Variants in PCGF3 observed in about 807,000 individuals in gnomAD.
The protein encoded by PCGF3 is polycomb group ring finger 3.
A neutral mutation model predicts 33.1 loss-of-function variants in PCGF3; 7 were observed. That is an observed-to-expected ratio of 0.21 (90% CI 0.12 to 0.40). The LOEUF (loss-of-function observed/expected upper bound fraction) is 0.40, where lower values mean the gene tolerates loss of function less well. Among genes scored for constraint, PCGF3 ranks in the 10% least tolerant of loss-of-function variants. The pLI, the probability that PCGF3 is intolerant of heterozygous loss-of-function variation, is 1.00. For missense variants in PCGF3, 211 were observed against 313.3 expected (o/e 0.67, Z 2.46); for synonymous variants, 153 against 121.3 (o/e 1.26, Z -1.72).
At chr4:748,001 C>T (rs538289048) in intron 8 of PCGF3, among the ~76,000 whole-genome samples, 5 of 152,242 alleles carry the variant, frequency 3.3e-5, no homozygotes, top group Admixed American at 3.3e-4. Flanking sequence ...GTGCCTTTTC[C>T]TCCGGGCGCG....
chr4:735,403 G>T (rs1288751867), intron 5 of PCGF3, among the ~76,000 whole-genome samples: 2 of 152,186 alleles, frequency 1.3e-5, no homozygotes, highest in Admixed American at 1.3e-4. Flanking sequence ...AAAATTAGCT[G>T]GGTATGGTGG....
intron 1 of PCGF3, among the ~76,000 whole-genome samples, chr4:717,340 G>T (rs1577397854): frequency 6.6e-6 from 1 of 152,114 alleles, no homozygotes; most frequent in African/African-American, 2.4e-5. Flanking sequence ...GACACTGAGT[G>T]TGAGAACTGG....
chr4:730,136 G>A (rs930552669), intron 1 of PCGF3, among the ~76,000 whole-genome samples: 4 of 152,142 alleles, frequency 2.6e-5, no homozygotes, highest in Non-Finnish European at 5.9e-5. Flanking sequence ...GGCCCTTGGT[G>A]CACGTCTGGT....
At chr4:732,191 G>GCTCCC (rs1195512194) in intron 3 of PCGF3, among the ~76,000 whole-genome samples, 5 of 137,834 alleles carry the variant, frequency 3.6e-5, no homozygotes, top group Admixed American at 7.1e-5. Context: ...GTAAGGCGGG[G>GCTCCC]CTCCCCTCCC....
At chr4:756,482 G>T (rs1744775114) in intron 8 of PCGF3, among the ~76,000 whole-genome samples, 1 of 152,038 alleles carries the variant, frequency 6.6e-6, no homozygotes, top group South Asian at 2.1e-4. Flanking sequence ...CAAAGTGCTG[G>T]GATTACAGGT....
chr4:755,838 T>A (rs2152611476), intron 8 of PCGF3, among the ~76,000 whole-genome samples: 1 of 151,908 alleles, frequency 6.6e-6, no homozygotes, highest in South Asian at 2.1e-4. Context: ...TGATTTATTT[T>A]ACCATTAAGT....
intron 8 of PCGF3, among the ~76,000 whole-genome samples, chr4:753,376 C>T (rs373239698): frequency 3.7e-4 from 54 of 147,318 alleles, no homozygotes; most frequent in East Asian, 2.9e-3. Context: ...GACTCTTGGC[C>T]GGGTGCGGTG....
intron 4 of PCGF3, 59 bp from the exon 5 acceptor site, chr4:734,872 G>T: frequency 6.3e-7 from 1 of 1,579,870 alleles, no homozygotes; most frequent in Non-Finnish European, 8.6e-7. Context: ...GGAGCACGCC[G>T]ATGGGGTGGG....
intron 8 of PCGF3, among the ~76,000 whole-genome samples, chr4:751,620 A>G (rs1744516673): frequency 6.6e-6 from 1 of 151,730 alleles, no homozygotes; most frequent in Non-Finnish European, 1.5e-5. Flanking sequence ...TAAGCATTAA[A>G]AAAAAAAAAA....
At chr4:753,777 G>A (rs1333584395) in intron 8 of PCGF3, among the ~76,000 whole-genome samples, 2 of 151,864 alleles carry the variant, frequency 1.3e-5, no homozygotes, top group South Asian at 2.1e-4. Flanking sequence ...GTGAAACCCC[G>A]TCTCTACTAA....
chr4:763,127 C>T (rs931958070), intron 9 of PCGF3, among the ~76,000 whole-genome samples: 5 of 151,812 alleles, frequency 3.3e-5, no homozygotes, highest in African/African-American at 1.2e-4. Context: ...ATGGAGAAAC[C>T]AAGTCAGGAC....
intron 1 of PCGF3, among the ~76,000 whole-genome samples, chr4:714,501 G>A (rs985584657): frequency 9.9e-5 from 15 of 152,184 alleles, no homozygotes; most frequent in African/African-American, 3.4e-4. Context: ...ACTTCACGGC[G>A]TTACCTGATT....
chr4:750,064 C>T (rs1744445236), intron 8 of PCGF3, among the ~76,000 whole-genome samples: 1 of 152,228 alleles, frequency 6.6e-6, no homozygotes, highest in Non-Finnish European at 1.5e-5. Context: ...CTCAGTCTCC[C>T]AAAGTGCCAG....
At chr4:712,226 C>G (rs1327918857) in intron 1 of PCGF3, among the ~76,000 whole-genome samples, 1 of 152,200 alleles carries the variant, frequency 6.6e-6, no homozygotes, top group Non-Finnish European at 1.5e-5. Context: ...TGCCACGTTT[C>G]TCCCGACAGA....
At chr4:734,219 G>A in intron 4 of PCGF3, 1 of 1,515,310 alleles carries the variant, frequency 6.6e-7, no homozygotes, top group Non-Finnish European at 8.9e-7. Flanking sequence ...CACACCTGGG[G>A]CTGGACCTGA....
intron 1 of PCGF3, among the ~76,000 whole-genome samples, chr4:707,473 T>G (rs1182739787): frequency 6.6e-6 from 1 of 150,778 alleles, no homozygotes; most frequent in African/African-American, 2.4e-5. Context: ...CAGCCCTGTT[T>G]TCCCCTGGGG....
intron 1 of PCGF3, among the ~76,000 whole-genome samples, chr4:726,196 T>G (rs1373936648): frequency 6.6e-6 from 1 of 152,230 alleles, no homozygotes; most frequent in Non-Finnish European, 1.5e-5. Context: ...GTTTTTAATG[T>G]GCATTTCCCA....
At chr4:735,147 C>A in intron 5 of PCGF3, 120 bp downstream of exon 5, 1 of 1,143,762 alleles carries the variant, frequency 8.7e-7, no homozygotes, top group Non-Finnish European at 1.2e-6. Context: ...GCAGCCTCTC[C>A]TGACCAAGGG....
intron 8 of PCGF3, among the ~76,000 whole-genome samples, chr4:758,652 T>C (rs1418085752): frequency 1.8e-5 from 2 of 112,716 alleles, no homozygotes; most frequent in Non-Finnish European, 3.8e-5. Context: ...CGAGTTCTTC[T>C]CCTTCCGGAC....
Sources: allele counts gnomAD v4.1 joint callset (sites outside exome capture counted in the v4.1 genomes callset), GRCh38; gene constraint gnomAD v4.1.1; transcripts MANE v1.5; gene names NCBI Gene and HGNC (gene_info 2026-07-23, HGNC 2026-07-21).